The following KCNN1 variants were observed in gnomAD, a reference collection of about 807,000 sequenced individuals.
KCNN1 encodes the protein potassium calcium-activated channel subfamily N member 1, also known as small conductance calcium-activated potassium channel protein 1.
KCNN1 carries 20 observed loss-of-function variants against 44.7 expected under a neutral mutation model. The observed-to-expected ratio is 0.45, with a 90% CI of 0.32 to 0.65. The LOEUF (loss-of-function observed/expected upper bound fraction) is 0.65. Ranked by LOEUF, KCNN1 falls within the 30% of genes least tolerant of loss-of-function variation. KCNN1 has a pLI of 0.05. For synonymous variants in KCNN1, 324 were observed against 341.7 expected, an observed-to-expected ratio of 0.95 and a Z score of 0.57; for missense variants, 632 against 785.3, an observed-to-expected ratio of 0.80 and a Z score of 2.33.
chr19:17,989,840 A>C lies in KCNN1; in HGVS notation c.1295A>C (p.His432Pro). 6.2e-7 allele frequency: 1 copy of C among 1,613,470 alleles called. No homozygotes were observed. Among genetic ancestry groups the C allele is most frequent in the South Asian group, 1.1e-5 (1 of 91,060 alleles). ...KHQRKFLQAI[H>P]QAQKLRSVKI... The stretch of plus-strand genomic sequence containing the variant: ...CAGCGTAAGTTCCTCCAAGCCATCC[A>C]TCAGTAAGTCCAGCACCTTTCCAGC... Residue 432 changes from histidine (H) to proline (P), a missense_variant, in exon 7 of 10, where the codon CAT becomes CCT. By Grantham distance (77) the His-to-Pro change is moderately conservative (BLOSUM62 -2). This residue lies in a region of KCNN1 where 237 missense variants were observed against 253.0 expected (regional missense o/e 0.94). Transcript: ENST00000684775.
At chr19:17,960,839 C>T (rs1489559979) in intron 2 of KCNN1, among the ~76,000 whole-genome samples, 1 of 151,868 alleles carries the variant, frequency 6.6e-6, no homozygotes, top group Non-Finnish European at 1.5e-5. Flanking sequence ...TTTCACATGA[C>T]CTTCTCCCTG....
intron 5 of KCNN1, among the ~76,000 whole-genome samples, chr19:17,987,964 A>AC (rs944576514): frequency 1.0e-4 from 15 of 149,134 alleles, no homozygotes; most frequent in African/African-American, 2.5e-4. Flanking sequence ...ACATGGTGAA[A>AC]CCCCCCCTTT....
exon 1 of KCNN1, chr19:17,951,386 C>G (rs2031403425): frequency 6.6e-6 from 1 of 152,266 alleles, no homozygotes; most frequent in Non-Finnish European, 1.5e-5. Flanking sequence ...CCTACGGACT[C>G]GGAGAGCTGG....
intron 7 of KCNN1, 56 bp downstream of exon 7, chr19:17,989,899 C>T (rs1568459036): frequency 6.2e-7 from 1 of 1,609,292 alleles, no homozygotes; most frequent in African/African-American, 1.3e-5. Flanking sequence ...GCGGAGGCAG[C>T]CCTCGCAGCT....
chr19:17,953,797 G>C (rs2031478399), intron 1 of KCNN1, among the ~76,000 whole-genome samples: 1 of 152,090 alleles, frequency 6.6e-6, no homozygotes, highest in Non-Finnish European at 1.5e-5. Flanking sequence ...AGGTGTAGTG[G>C]TGCACACTTG....
chr19:17,959,447 G>A (rs2031627953), intron 2 of KCNN1, among the ~76,000 whole-genome samples: 1 of 151,870 alleles, frequency 6.6e-6, no homozygotes, highest in African/African-American at 2.4e-5. Context: ...TAATAGAGAC[G>A]GGGTTTCACC....
chr19:17,988,309 C>T, intron 5 of KCNN1, 106 bp from the exon 6 acceptor site: 1 of 839,854 alleles, frequency 1.2e-6, no homozygotes, highest in Non-Finnish European at 1.9e-6. Context: ...AATCCACTCA[C>T]ACTGCTGGCT....
Position 17,988,429 on chromosome 19 carries a change from CG to C in KCNN1, c.1075del (p.Ala359ArgfsTer24), listed in dbSNP as rs1568458219. 6.2e-7 allele frequency: 1 copy of C among 1,612,390 alleles called. No homozygotes were observed. On this transcript the variant is annotated frameshift_variant, in exon 6 of 10. Transcript: ENST00000684775. LOFTEE classifies it high-confidence loss of function. ...LTGIMGAGCTALVVAVVARKL... is the reference protein window; with the variant it reads ...LTGIMGAGCTXLVVAVVARKL... ...CCTGCACACAGGGAGCTGGCTGTAC[CG>C]CGCTCGTGGTGGCTGTGGTGGCTCG...
intron 3 of KCNN1, among the ~76,000 whole-genome samples, chr19:17,975,495 G>A (rs908134013): frequency 2.0e-5 from 3 of 150,358 alleles, no homozygotes; most frequent in East Asian, 2.0e-4. Context: ...ATATTGGCTC[G>A]CTGCAACCTC....
At chr19:17,970,609 G>A (rs143211244) in intron 1 of KCNN1, among the ~76,000 whole-genome samples, 3,485 of 151,474 alleles carry the variant, frequency 0.023, 119 homozygotes, top group African/African-American at 0.079. Flanking sequence ...GAGCCACCAC[G>A]CCCAGCCAGT....
intron 2 of KCNN1, among the ~76,000 whole-genome samples, chr19:17,961,185 C>CAA (rs202142379): frequency 0.028 from 2,571 of 91,036 alleles, 121 homozygotes; most frequent in African/African-American, 0.1. Context: ...GACTCTGACT[C>CAA]AAAAAAAAAA....
At chr19:17,982,210 C>A in intron 4 of KCNN1, 83 bp downstream of exon 4, 1 of 1,176,840 alleles carries the variant, frequency 8.5e-7, no homozygotes, top group Non-Finnish European at 1.2e-6. Flanking sequence ...TTTCACCGAC[C>A]CTGGGCCCCT....
chr19:17,991,367 CTT>C (rs146766788), intron 7 of KCNN1, among the ~76,000 whole-genome samples: 5,940 of 152,234 alleles, frequency 0.039, 155 homozygotes, highest in Non-Finnish European at 0.06. Context: ...GGGAGGATAA[CTT>C]GAGCCCAGAA....
At chr19:17,962,831 C>T (rs148888318), upstream of KCNN1, among the ~76,000 whole-genome samples, 267 of 151,606 alleles carry the variant, frequency 1.8e-3, no homozygotes, top group African/African-American at 6.2e-3. Context: ...CTCAGCCTCC[C>T]GAGTAGGTGG....
intron 9 of KCNN1, among the ~76,000 whole-genome samples, chr19:17,997,495 C>T (rs2145982822): frequency 6.6e-6 from 1 of 152,302 alleles, no homozygotes. Context: ...CAGCCCTGAG[C>T]TTGGCTTGCT....
In KCNN1 at chr19:17,993,150, C is replaced by A; in HGVS notation, c.1307+88C>A. 7 of 1,514,396 alleles carry A rather than the reference C, an allele frequency of 4.6e-6. No homozygotes were observed. The highest frequency in any genetic ancestry group is 5.5e-6 in the Non-Finnish European group (6 of 1,095,040). 93.8% of individuals were successfully genotyped at this position (1,514,396 alleles called of 1,614,324 possible). On this transcript the variant is annotated intron_variant, in intron 8 of 9. Transcript: ENST00000684775. The surrounding 1 kb of genome is among the most constrained non-coding windows in gnomAD (Gnocchi z 4.5). The stretch of plus-strand genomic sequence containing the variant: ...AGGGGGTACACCCGGGGCATGCCAA[C>A]CCCAGCCTCAGAGGCGGGCAGGGTT...
chr19:17,960,873 G>A lies in KCNN1; in HGVS notation c.-82+6192G>A, dbSNP rs776841288. ...TGTTTGTCCATCTGTATCCTCATAT[G>A]GGCTTCGTATTAAAAAAAACAGTTG... On this transcript the variant is annotated intron_variant, in intron 2 of 10. Coordinates refer to the KCNN1 transcript ENST00000222249. Among the ~76,000 whole-genome samples the A allele has an allele frequency of 1.6e-4, 25 of 151,804 alleles. 1 individual carries two copies. The highest frequency in any genetic ancestry group is 1.5e-5 in the Non-Finnish European group (1 of 67,972).
At chr19:17,989,179 C>T (rs748366546) in intron 6 of KCNN1, among the ~76,000 whole-genome samples, 5 of 152,130 alleles carry the variant, frequency 3.3e-5, no homozygotes, top group African/African-American at 1.2e-4. Flanking sequence ...GCATCATGGC[C>T]GGGCGCGGTG....
At chr19:17,975,512 CT>C in intron 3 of KCNN1, among the ~76,000 whole-genome samples, 1 of 151,436 alleles carries the variant, frequency 6.6e-6, no homozygotes, top group East Asian at 2.0e-4. Context: ...CCTCTGCCTC[CT>C]GGGTTCAAGC....
Sources: allele counts gnomAD v4.1 joint callset (sites outside exome capture counted in the v4.1 genomes callset), GRCh38; gene constraint gnomAD v4.1.1; regional missense constraint gnomAD v4.1.1; non-coding constraint Gnocchi (gnomAD v3.1); transcripts MANE v1.5; gene names NCBI Gene and HGNC (gene_info 2026-07-23, HGNC 2026-07-21).